GLIS3: variants seen among roughly 807,000 people sequenced by gnomAD.
The protein encoded by GLIS3 is zinc finger protein GLIS3.
Under a neutral mutation model 78.6 loss-of-function variants are expected in GLIS3, and 53 were observed. That is an observed-to-expected ratio of 0.67 (90% CI 0.54 to 0.85). GLIS3 has a LOEUF of 0.85. GLIS3 is among the 40% of genes least tolerant of loss of function. The pLI, the probability that GLIS3 is intolerant of heterozygous loss-of-function variation, is 0.00. For synonymous variants in GLIS3, 684 were observed against 509.9 expected, an observed-to-expected ratio of 1.34 and a Z score of -4.60; for missense variants, 1,703 against 1,231.1, an observed-to-expected ratio of 1.38 and a Z score of -5.74.
chr9:3,922,532 A>G (rs1346984981), intron 6 of GLIS3, among the ~76,000 whole-genome samples: 1 of 152,162 alleles, frequency 6.6e-6, no homozygotes, highest in East Asian at 1.9e-4. Flanking sequence ...ATATAACAAC[A>G]CTGCTACTAC....
the GLIS3 span, among the ~76,000 whole-genome samples, chr9:4,486,674 AGGGCCTT>A: frequency 3.9e-5 from 6 of 152,108 alleles, no homozygotes; most frequent in Non-Finnish European, 7.4e-5. Context: ...CAGGGGACCA[AGGGCCTT>A]GGTCCTCCCA....
intron 2 of GLIS3, among the ~76,000 whole-genome samples, chr9:4,278,539 T>TA (rs913027097): frequency 2.4e-4 from 36 of 152,076 alleles, no homozygotes; most frequent in Middle Eastern, 6.8e-3. Context: ...CAGAATAATT[T>TA]AAAAAAAATC....
At chr9:4,042,565 T>A (rs1238222838) in intron 4 of GLIS3, among the ~76,000 whole-genome samples, 5 of 152,150 alleles carry the variant, frequency 3.3e-5, no homozygotes, top group African/African-American at 1.2e-4. Flanking sequence ...ATCTTCTACA[T>A]CCACTGTTCC....
At chr9:3,987,293 T>C (rs1819818271) in intron 4 of GLIS3, among the ~76,000 whole-genome samples, 1 of 151,482 alleles carries the variant, frequency 6.6e-6, no homozygotes, top group African/African-American at 2.4e-5. Flanking sequence ...GCAAACATAA[T>C]GAGAAAAAAA....
the GLIS3 span, among the ~76,000 whole-genome samples, chr9:4,401,396 GT>G: frequency 6.6e-6 from 1 of 151,078 alleles, no homozygotes; most frequent in Non-Finnish European, 1.5e-5. Flanking sequence ...ATTAGCTGGG[GT>G]TACAGGCTTA....
intron 2 of GLIS3, among the ~76,000 whole-genome samples, chr9:4,142,923 A>G (rs1210564563): frequency 1.3e-5 from 2 of 152,202 alleles, no homozygotes; most frequent in Non-Finnish European, 2.9e-5. Flanking sequence ...CTGAAAGATC[A>G]GTGAGGAAAT....
chr9:4,373,746 C>A, the GLIS3 span, among the ~76,000 whole-genome samples: 4 of 151,104 alleles, frequency 2.6e-5, no homozygotes, highest in African/African-American at 9.8e-5. Context: ...TCGGCTCATG[C>A]AACCTCCACC....
chr9:4,187,437 C>G (rs1239914535), intron 2 of GLIS3, among the ~76,000 whole-genome samples: 1 of 152,112 alleles, frequency 6.6e-6, no homozygotes, highest in Non-Finnish European at 1.5e-5. Flanking sequence ...CATGATGCCT[C>G]CAGCTTTGTT....
chr9:4,180,907 G>T (rs1362320777), intron 2 of GLIS3, among the ~76,000 whole-genome samples: 2 of 152,154 alleles, frequency 1.3e-5, no homozygotes, highest in Non-Finnish European at 2.9e-5. Flanking sequence ...CCAAGTACAG[G>T]TCCCTTTTGC....
intron 4 of GLIS3, among the ~76,000 whole-genome samples, chr9:3,955,182 G>A (rs990906603): frequency 1.1e-4 from 16 of 152,160 alleles, no homozygotes; most frequent in Non-Finnish European, 2.4e-4. Flanking sequence ...TCCCAGGGTA[G>A]TAATCAGGGA....
the GLIS3 span, among the ~76,000 whole-genome samples, chr9:4,412,982 T>C: frequency 1.3e-5 from 2 of 152,216 alleles, no homozygotes; most frequent in African/African-American, 4.8e-5. Context: ...AGCCCTTTCT[T>C]CCAATTACAC....
intron 2 of GLIS3, among the ~76,000 whole-genome samples, chr9:4,241,557 T>C (rs1823314503): frequency 6.6e-6 from 1 of 152,228 alleles, no homozygotes; most frequent in Non-Finnish European, 1.5e-5. Context: ...CTTTATAAAT[T>C]ATATAAATGT....
In GLIS3 at chr9:4,104,339, G is replaced by A. The variant is rs2130813634; in HGVS notation, c.1710+13429C>T. Reference sequence around the variant, plus strand: ...CCTTAAAGTTACCTCTGACACTTCTGTCTCTATACCTCATATGCAATTCAG... The same window carrying A: ...CCTTAAAGTTACCTCTGACACTTCTATCTCTATACCTCATATGCAATTCAG... On this transcript the variant is annotated intron_variant, in intron 4 of 10. Coordinates refer to ENST00000381971, the MANE Select transcript of GLIS3 (RefSeq NM_001042413.2). Among the ~76,000 whole-genome samples the A allele has an allele frequency of 1.3e-5, 2 of 152,174 alleles. 1 individual carries two copies. Among genetic ancestry groups the A allele is most frequent in the South Asian group, 4.2e-4 (2 of 4,818 alleles).
intron 2 of GLIS3, among the ~76,000 whole-genome samples, chr9:4,151,294 T>G (rs2131039035): frequency 6.6e-6 from 1 of 152,294 alleles, no homozygotes; most frequent in African/African-American, 2.4e-5. Context: ...GAAATCAGAT[T>G]GTTACATTTT....
chr9:4,443,930 T>C, the GLIS3 span, among the ~76,000 whole-genome samples: 9 of 152,236 alleles, frequency 5.9e-5, no homozygotes, highest in East Asian at 1.9e-4. Context: ...TGTGTGTCTC[T>C]ATCTACTGGC....
intron 2 of GLIS3, among the ~76,000 whole-genome samples, chr9:4,314,417 A>T (rs567780506): frequency 6.6e-6 from 1 of 152,324 alleles, no homozygotes; most frequent in South Asian, 2.1e-4. Flanking sequence ...ATGCAAAAAA[A>T]GATGCATGCA....
chr9:4,179,239 G>A (rs1305573690), intron 2 of GLIS3, among the ~76,000 whole-genome samples: 1 of 152,140 alleles, frequency 6.6e-6, no homozygotes, highest in African/African-American at 2.4e-5. Flanking sequence ...AAAGCACAGG[G>A]GCTATTAATA....
At chr9:3,882,520 G>C (rs902540115) in intron 7 of GLIS3, among the ~76,000 whole-genome samples, 9 of 152,100 alleles carry the variant, frequency 5.9e-5, no homozygotes, top group Admixed American at 5.9e-4. Flanking sequence ...GAAACAGGTG[G>C]TGAAGGGGAT....
rs72685659 is a variant in GLIS3 at position 3,946,747 on chromosome 9, G to A, written c.1711-9558C>T. 3.9e-3 allele frequency among the ~76,000 whole-genome samples: 594 copies of A among 152,270 alleles called. 1 individual carries two copies. The highest frequency in any genetic ancestry group is 5.9e-3 in the Non-Finnish European group (401 of 68,018). On this transcript the variant is annotated intron_variant, in intron 4 of 10. Coordinates refer to ENST00000381971, the MANE Select transcript of GLIS3 (RefSeq NM_001042413.2). ...CTAGATACACAGATCTATTGGGAAC[G>A]TGTTAGTAGCAATAATTCAAGGCAC...
Sources: allele counts gnomAD v4.1 joint callset (sites outside exome capture counted in the v4.1 genomes callset), GRCh38; gene constraint gnomAD v4.1.1; transcripts MANE v1.5; gene names NCBI Gene and HGNC (gene_info 2026-07-23, HGNC 2026-07-21).